Variants in IL27RA observed in about 807,000 individuals in gnomAD.
The protein encoded by IL27RA is interleukin 27 receptor subunit alpha, also known as interleukin-27 receptor subunit alpha.
A neutral mutation model predicts 80.8 loss-of-function variants in IL27RA; 61 were observed. The observed-to-expected ratio is 0.76, with a 90% CI of 0.61 to 0.93. The LOEUF (loss-of-function observed/expected upper bound fraction) is 0.93. Ranked by LOEUF, IL27RA falls within the 40% of genes least tolerant of loss-of-function variation. IL27RA has a pLI of 0.00. For synonymous variants in IL27RA, 316 were observed against 332.5 expected (o/e 0.95, Z 0.54); for missense variants, 735 against 808.1 (o/e 0.91, Z 1.10).
intron 6 of IL27RA, among the ~76,000 whole-genome samples, chr19:14,043,210 G>C (rs1214652128): frequency 6.6e-6 from 1 of 151,980 alleles, no homozygotes; most frequent in Non-Finnish European, 1.5e-5. Context: ...CCCCCTTGAG[G>C]TTGCTTCGAA....
chr19:14,040,955 G>A (rs921578686), intron 4 of IL27RA, among the ~76,000 whole-genome samples: 1 of 150,210 alleles, frequency 6.7e-6, no homozygotes, highest in African/African-American at 2.5e-5. Flanking sequence ...CCAGGCTGGA[G>A]TGCAATGGCA....
At chr19:14,048,267 TATAA>T (rs58406920) in intron 8 of IL27RA, among the ~76,000 whole-genome samples, 9,630 of 148,270 alleles carry the variant, frequency 0.065, 456 homozygotes, top group African/African-American at 0.13. Context: ...AAGAAATCTT[TATAA>T]ATAAATAAAT....
chr19:14,039,154 G>A lies in IL27RA; in HGVS notation c.219-354G>A, dbSNP rs554291233. 7.9e-5 allele frequency among the ~76,000 whole-genome samples: 12 copies of A among 151,946 alleles called. No individual in the cohort carries two copies. In the East Asian group the frequency reaches 2.3e-3, roughly 29 times the overall value. On this transcript the variant is annotated intron_variant, in intron 2 of 13. Coordinates refer to ENST00000263379, the MANE Select transcript of IL27RA (RefSeq NM_004843.4). ...ACAAAAAAATTGGCCAGGTGTGGTG[G>A]CACACGCCTATAATTCTAGCTACTT...
chr19:14,048,902 G>C (rs1976111015), intron 8 of IL27RA, 79 bp from the exon 9 acceptor site: 2 of 1,222,708 alleles, frequency 1.6e-6, no homozygotes, highest in East Asian at 4.6e-5. Context: ...TCCTTCTGGG[G>C]ACCCCAGTGA....
chr19:14,051,793 G>T, intron 12 of IL27RA, 87 bp from the exon 13 acceptor site: 1 of 1,420,444 alleles, frequency 7.0e-7, no homozygotes, highest in Non-Finnish European at 9.8e-7. Context: ...GAGGCCTCAG[G>T]GCGCAGTCAC....
intron 6 of IL27RA, among the ~76,000 whole-genome samples, chr19:14,045,620 A>G (rs1180533642): frequency 6.6e-6 from 1 of 150,520 alleles, no homozygotes; most frequent in African/African-American, 2.5e-5. Flanking sequence ...AAAAAAGTTG[A>G]TATTTTGTTT....
At position 14,039,544 on chromosome 19, in the gene IL27RA, C is replaced by T. The variant is rs370388608; in HGVS notation, c.255C>T (p.Ala85=). The change falls in exon 3 of 14, where the codon GCC becomes GCT. Residue 85 remains alanine, a synonymous_variant. Coordinates refer to ENST00000263379, the MANE Select transcript of IL27RA (RefSeq NM_004843.4). ...SNKTQTVAVA[A]GRSWVAIPRE... ...AAACCCAGACTGTGGCAGTGGCAGC[C>T]GGACGGAGCTGGGTGGCCATTCCTC... 1.2e-5 allele frequency: 19 copies of T among 1,613,902 alleles called. No homozygotes were observed. The highest frequency in any genetic ancestry group is 2.7e-5 in the African/African-American group (2 of 74,934).
rs749788723 is a variant in IL27RA at position 14,050,882 on chromosome 19, A to G, written c.1527A>G (p.Pro509=). ...GTCCCATCCTCCGGCTTCATCTACCAGGTAGGGGGGTTGGGATGGGATTGC... is the reference window on the plus strand; with the variant it reads ...GTCCCATCCTCCGGCTTCATCTACCGGGTAGGGGGGTTGGGATGGGATTGC... ...PPGPILRLHL[P]DNTLRWKVLP... is the part of the protein sequence containing the mutation. Residue 509 remains proline (P), a splice_region_variant and synonymous_variant, in exon 11 of 14, where the codon CCA becomes CCG. Transcript: ENST00000263379. The G allele has an allele frequency of 1.9e-6, 3 of 1,605,864 alleles. No homozygotes were observed. The highest frequency in any genetic ancestry group is 1.7e-6 in the Non-Finnish European group (2 of 1,174,092).
In IL27RA at chr19:14,050,824, C is replaced by T. The variant is rs76543168; in HGVS notation, c.1469C>T (p.Thr490Ile). The T allele has an allele frequency of 0.012, 19,144 of 1,613,560 alleles. 212 individuals are homozygous for T. Among genetic ancestry groups the T allele is most frequent in the African/African-American group, 0.055 (4,092 of 75,020 alleles). The change falls in exon 11 of 14, where the codon ACA (threonine) becomes ATA (isoleucine). Residue 490 changes from threonine (T) to isoleucine (I), a missense_variant. Thr to Ile is a moderately conservative substitution (Grantham distance 89, BLOSUM62 -1). Coordinates refer to ENST00000263379, the MANE Select transcript of IL27RA (RefSeq NM_004843.4). ...LPWGPCELWV[T>I]ASTIAGQGPP... ...TGGGGTCCCTGTGAGCTGTGGGTGA[C>T]AGCATCTACCATCGCTGGACAGGGC...
chr19:14,051,670 G>A lies in IL27RA; in HGVS notation c.1592G>A (p.Gly531Glu), dbSNP rs1202978526. 1 of 1,612,842 alleles carries A rather than the reference G, an allele frequency of 6.2e-7. No homozygotes were observed. Among genetic ancestry groups the A allele is most frequent in the Non-Finnish European group, 8.5e-7 (1 of 1,179,410 alleles). Reference protein sequence around the residue: ...ILFLWGLFLLGCGLSLATSGR... With the variant: ...ILFLWGLFLLECGLSLATSGR... ...TTCTTGTGGGGCTTGTTCCTGTTGG[G>A]GTGTGGCCTGAGCCTGGCCACCTCT... Residue 531 changes from glycine (G) to glutamate (E), a missense_variant, in exon 12 of 14, where the codon GGG (glycine) becomes GAG (glutamate). Transcript: ENST00000263379.
At chr19:14,039,481 A>C (rs199757563) in intron 2 of IL27RA, 27 bp from the exon 3 acceptor site, 2 of 1,595,180 alleles carry the variant, frequency 1.3e-6, no homozygotes, top group Non-Finnish European at 1.7e-6. Context: ...CCGAGTGTGC[A>C]TCTCATCCCC....
intron 2 of IL27RA, among the ~76,000 whole-genome samples, chr19:14,033,644 G>A (rs777055827): frequency 1.6e-4 from 24 of 150,840 alleles, no homozygotes; most frequent in Non-Finnish European, 2.9e-4. Context: ...CAGCCTGGGT[G>A]ACAGAGTGAG....
At chr19:14,042,874 C>T (rs1976013110) in intron 6 of IL27RA, 85 bp downstream of exon 6, 4 of 1,241,536 alleles carry the variant, frequency 3.2e-6, no homozygotes, top group East Asian at 2.3e-5. Context: ...TGCAGTGGCT[C>T]ACGCTTGTAA....
At chr19:14,051,495 T>A in intron 11 of IL27RA, 112 bp from the exon 12 acceptor site, 1 of 461,620 alleles carries the variant, frequency 2.2e-6, no homozygotes, top group Non-Finnish European at 3.6e-6. Context: ...TGAGCTGAGG[T>A]CGCACCACTG....
At position 14,053,064 on chromosome 19, in the gene IL27RA, C is replaced by T. The variant is rs1976209023; in HGVS notation, c.*774C>T. ...GGTGGGGGCTCCCCCACATCCTTTC[C>T]TTGCCTATGAGCTGGAACATAACAC... is the stretch of plus-strand genomic sequence containing the variant. On this transcript the variant is annotated 3_prime_UTR_variant, in exon 14 of 14. Coordinates refer to ENST00000263379, the MANE Select transcript of IL27RA (RefSeq NM_004843.4). 1 of 152,412 alleles carries T rather than the reference C, an allele frequency of 6.6e-6. No individual in the cohort carries two copies. Among genetic ancestry groups the T allele is most frequent in the African/African-American group, 2.4e-5 (1 of 41,450 alleles). 9.4% of individuals were successfully genotyped at this position (152,412 alleles called of 1,614,324 possible). A position where few individuals can be genotyped will look rare whatever the true frequency, so the allele number is the denominator to read the frequency against.
intron 6 of IL27RA, 120 bp from the exon 7 acceptor site, chr19:14,046,034 A>G: frequency 1.0e-6 from 1 of 1,000,664 alleles, no homozygotes; most frequent in Non-Finnish European, 1.5e-6. Flanking sequence ...TCAAAAAACA[A>G]ACAAACAAAC....
At chr19:14,043,172 CAT>C (rs981588979) in intron 6 of IL27RA, among the ~76,000 whole-genome samples, 1 of 151,886 alleles carries the variant, frequency 6.6e-6, no homozygotes, top group African/African-American at 2.4e-5. Context: ...AACCCAATGA[CAT>C]AAACAAGACA....
intron 2 of IL27RA, among the ~76,000 whole-genome samples, chr19:14,037,371 C>G (rs1160977366): frequency 6.6e-6 from 1 of 151,938 alleles, no homozygotes; most frequent in Non-Finnish European, 1.5e-5. Flanking sequence ...AGTGATTCTC[C>G]TGCCTCCCAA....
At chr19:14,050,357 C>A (rs1290349844) in intron 10 of IL27RA, among the ~76,000 whole-genome samples, 1 of 151,770 alleles carries the variant, frequency 6.6e-6, no homozygotes, top group Non-Finnish European at 1.5e-5. Context: ...TAAAAATTAG[C>A]CAGATGTGGT....
Sources: allele counts gnomAD v4.1 joint callset (sites outside exome capture counted in the v4.1 genomes callset), GRCh38; gene constraint gnomAD v4.1.1; transcripts MANE v1.5; gene names NCBI Gene and HGNC (gene_info 2026-07-23, HGNC 2026-07-21).